NFIB: variants seen among roughly 807,000 people sequenced by gnomAD.
The protein encoded by NFIB is nuclear factor 1 B-type.
Under a neutral mutation model 61.5 loss-of-function variants are expected in NFIB, and 11 were observed. That is an observed-to-expected ratio of 0.18 (90% CI 0.11 to 0.30). NFIB has a LOEUF of 0.30. NFIB is among the 10% of genes least tolerant of loss of function. NFIB has a pLI of 1.00. For synonymous variants in NFIB, 260 were observed against 216.5 expected (o/e 1.20, Z -1.76); for missense variants, 471 against 608.9 (o/e 0.77, Z 2.38).
chr9:14,491,487 C>A, the NFIB span, among the ~76,000 whole-genome samples: 1 of 152,132 alleles, frequency 6.6e-6, no homozygotes, highest in East Asian at 1.9e-4. Context: ...AGAATGTGGG[C>A]AAGACAGACA....
intron 1 of NFIB, among the ~76,000 whole-genome samples, chr9:14,389,028 C>G (rs2061589002): frequency 6.6e-6 from 1 of 152,182 alleles, no homozygotes; most frequent in Non-Finnish European, 1.5e-5. Context: ...TTAAAAGCTT[C>G]TCCAGTGATC....
intron 1 of NFIB, among the ~76,000 whole-genome samples, chr9:14,373,466 A>G (rs2061381562): frequency 6.6e-6 from 1 of 152,120 alleles, no homozygotes; most frequent in Non-Finnish European, 1.5e-5. Flanking sequence ...AGTCTTAAGG[A>G]TTCTTTTCTC....
the NFIB span, among the ~76,000 whole-genome samples, chr9:14,424,876 G>A: frequency 6.6e-6 from 1 of 152,182 alleles, no homozygotes. Context: ...GCAAGAAGAG[G>A]AAGTGGGAAG....
At chr9:14,427,934 G>GTGGTTTTT in the NFIB span, among the ~76,000 whole-genome samples, 2 of 25,946 alleles carry the variant, frequency 7.7e-5, no homozygotes, top group East Asian at 3.6e-3. Flanking sequence ...CTTTAATTCA[G>GTGGTTTTT]TTGTTTTTTT....
intron 2 of NFIB, among the ~76,000 whole-genome samples, chr9:14,185,507 T>A (rs1477626671): frequency 6.6e-6 from 1 of 152,142 alleles, no homozygotes; most frequent in Non-Finnish European, 1.5e-5. Flanking sequence ...TTCCCCCTTT[T>A]TTCTCCCTGA....
chr9:14,470,782 A>G, the NFIB span, among the ~76,000 whole-genome samples: 8 of 152,202 alleles, frequency 5.3e-5, no homozygotes, highest in African/African-American at 1.9e-4. Context: ...AGACTGGACA[A>G]AGAGCCAGGG....
the NFIB span, among the ~76,000 whole-genome samples, chr9:14,463,837 T>C: frequency 2.0e-5 from 3 of 151,942 alleles, no homozygotes; most frequent in African/African-American, 7.3e-5. Flanking sequence ...ATTTTTTGTA[T>C]TTTTAGTAGA....
At chr9:14,305,527 T>C (rs540968205) in intron 2 of NFIB, among the ~76,000 whole-genome samples, 3 of 152,338 alleles carry the variant, frequency 2.0e-5, no homozygotes, top group South Asian at 4.1e-4. Context: ...CCCCAAACCA[T>C]CATTATTTGG....
intron 1 of NFIB, among the ~76,000 whole-genome samples, chr9:14,387,083 G>A (rs796644502): frequency 4.6e-5 from 7 of 152,350 alleles, no homozygotes; most frequent in African/African-American, 1.7e-4. Context: ...GATTCTGACA[G>A]CTTTGGCACT....
At chr9:14,255,048 C>A (rs1448086962) in intron 2 of NFIB, among the ~76,000 whole-genome samples, 1 of 151,908 alleles carries the variant, frequency 6.6e-6, no homozygotes, top group Non-Finnish European at 1.5e-5. Context: ...ATAGCAAGAC[C>A]CCATCTCTTC....
the NFIB span, among the ~76,000 whole-genome samples, chr9:14,481,306 C>A: frequency 6.9e-6 from 1 of 145,654 alleles, no homozygotes; most frequent in South Asian, 2.2e-4. Context: ...AGTTCTTGAG[C>A]TCCATGTGCC....
intron 2 of NFIB, among the ~76,000 whole-genome samples, chr9:14,304,390 T>C (rs1057151171): frequency 2.0e-5 from 3 of 152,230 alleles, no homozygotes; most frequent in South Asian, 2.1e-4. Flanking sequence ...AAGAGGACTA[T>C]TGACATTTCT....
intron 4 of NFIB, among the ~76,000 whole-genome samples, chr9:14,151,772 T>C (rs1459306903): frequency 1.3e-5 from 2 of 152,072 alleles, no homozygotes; most frequent in Non-Finnish European, 1.5e-5. Flanking sequence ...TCCATTTCTT[T>C]ACCTGTCTTA....
intron 10 of NFIB, among the ~76,000 whole-genome samples, chr9:14,107,225 T>C (rs941082257): frequency 2.7e-4 from 41 of 151,786 alleles, no homozygotes; most frequent in African/African-American, 7.0e-4. Context: ...GGTCTCTGGA[T>C]GAATAGCATG....
At chr9:14,420,445 C>CAAAAAAA in the NFIB span, among the ~76,000 whole-genome samples, 453 of 42,414 alleles carry the variant, frequency 0.011, 57 homozygotes, top group Middle Eastern at 0.025. Context: ...GACTCCGTCT[C>CAAAAAAA]AAAAAAAAAA....
chr9:14,342,163 G>C (rs952828581), intron 1 of NFIB, among the ~76,000 whole-genome samples: 5 of 152,118 alleles, frequency 3.3e-5, no homozygotes, highest in African/African-American at 9.7e-5. Flanking sequence ...TATGGGTAAG[G>C]GTCTCTCTCA....
intron 10 of NFIB, among the ~76,000 whole-genome samples, chr9:14,095,952 C>A (rs2034712058): frequency 6.6e-6 from 1 of 152,090 alleles, no homozygotes; most frequent in Non-Finnish European, 1.5e-5. Flanking sequence ...TCGTGTTCTT[C>A]AATTACTTGA....
chr9:14,149,215 T>C (rs2042600616), intron 5 of NFIB, among the ~76,000 whole-genome samples: 1 of 152,162 alleles, frequency 6.6e-6, no homozygotes, highest in African/African-American at 2.4e-5. Context: ...GGAACTGATA[T>C]AAAATTGATC....
At chr9:14,315,278 C>T (rs1278160198), upstream of NFIB, among the ~76,000 whole-genome samples, 2 of 151,382 alleles carry the variant, frequency 1.3e-5, no homozygotes, top group South Asian at 2.1e-4. Context: ...GCGCGCGGCG[C>T]TTCGCCGCGG....
Sources: gnomAD v4.1 joint callset for allele counts (sites outside exome capture counted in the v4.1 genomes callset) on GRCh38, gnomAD v4.1.1 for gene constraint, MANE v1.5 for transcripts, NCBI Gene and HGNC (gene_info 2026-07-23, HGNC 2026-07-21) for gene names.